Variants in HEXA observed in about 807,000 individuals in gnomAD.
The protein encoded by HEXA is hexosaminidase subunit alpha, also known as beta-hexosaminidase subunit alpha.
Under a neutral mutation model 73.3 loss-of-function variants are expected in HEXA, and 54 were observed. That is an observed-to-expected ratio of 0.74 (90% CI 0.59 to 0.92). HEXA has a LOEUF of 0.92. Among genes scored for constraint, HEXA ranks in the 40% least tolerant of loss-of-function variants. The pLI, the probability that HEXA is intolerant of heterozygous loss-of-function variation, is 0.00. For synonymous variants in HEXA, 230 were observed against 246.9 expected (o/e 0.93, Z 0.64); for missense variants, 649 against 653.0 (o/e 0.99, Z 0.07).
Position 72,346,220 on chromosome 15 carries a change from C to G in HEXA, c.1421+15G>C, listed in dbSNP as rs185764548. On this transcript the variant is annotated intron_variant, in intron 12 of 13. Transcript: ENST00000268097. ...CTCAGGCCCAACCCTCCACCTCCCC[C>G]CCGAAAACCCTTACCAGAGCCTGGG... The G allele has an allele frequency of 4.1e-4, 653 of 1,603,966 alleles. 2 individuals carry two copies. The East Asian group carries it at 7.7e-3, about 19-fold the overall frequency.
intron 12 of HEXA, 179 bp downstream of exon 12, chr15:72,346,056 G>T: frequency 1.6e-6 from 1 of 637,008 alleles, no homozygotes; most frequent in Non-Finnish European, 2.9e-6. Context: ...GATATAGACG[G>T]AAGTCATGTG....
At chr15:72,368,073 T>G (rs1489275649) in intron 1 of HEXA, among the ~76,000 whole-genome samples, 1 of 152,200 alleles carries the variant, frequency 6.6e-6, no homozygotes, top group Non-Finnish European at 1.5e-5. Context: ...CTAGTACTAT[T>G]GACAATTAAA....
At position 72,355,757 on chromosome 15, in the gene HEXA, A is replaced by G. The variant is rs2088769454; in HGVS notation, c.347-133T>C. Reference sequence around the variant, plus strand: ...ACCATATATTTTAAAAAATCTTTCAATGAGGAGATGTCCCCAGAGCAAGAC... The same window carrying G: ...ACCATATATTTTAAAAAATCTTTCAGTGAGGAGATGTCCCCAGAGCAAGAC... On this transcript the variant is annotated intron_variant, in intron 2 of 13. Transcript: ENST00000268097. 39 of 695,506 alleles carry G rather than the reference A, an allele frequency of 5.6e-5. No homozygotes were observed. The South Asian group carries it at 5.8e-4, about 10-fold the overall frequency. The allele number at this position is 695,506 out of a possible 1,614,324, so 43.1% of individuals were successfully genotyped here. A position where few individuals can be genotyped will look rare whatever the true frequency, so the allele number is the denominator to read the frequency against.
intron 1 of HEXA, among the ~76,000 whole-genome samples, chr15:72,367,203 A>G (rs770725710): frequency 1.3e-5 from 2 of 152,130 alleles, no homozygotes; most frequent in African/African-American, 2.4e-5. Flanking sequence ...TCAGCCTCCC[A>G]AAGTGCTGGG....
chr15:72,375,930 C>G lies in HEXA; in HGVS notation c.43G>C (p.Ala15Pro). The change falls in exon 1 of 14, where the codon GCG becomes CCG. Residue 15 changes from alanine (A) to proline (P), a missense_variant. Transcript: ENST00000268097. ...RLWFSLLLAAAFAGRATALWP... is the reference protein window; with the variant it reads ...RLWFSLLLAAPFAGRATALWP... ...AGGGCCGTCGCCCGTCCTGCGAACG[C>G]TGCCGCCAGCAGCAGCGAAAACCAA... is the stretch of plus-strand genomic sequence containing the variant. The G allele has an allele frequency of 6.2e-7, 1 of 1,614,110 alleles. No individual in the cohort carries two copies. The highest frequency in any genetic ancestry group is 8.5e-7 in the Non-Finnish European group (1 of 1,180,042).
At chr15:72,373,944 A>G (rs2089024411) in intron 1 of HEXA, among the ~76,000 whole-genome samples, 1 of 150,950 alleles carries the variant, frequency 6.6e-6, no homozygotes, top group African/African-American at 2.4e-5. Context: ...GGCTGCAGTG[A>G]GCCAAGATCG....
chr15:72,365,147 T>A (rs938436934), intron 1 of HEXA, among the ~76,000 whole-genome samples: 8 of 152,256 alleles, frequency 5.3e-5, no homozygotes, highest in Non-Finnish European at 1.0e-4. Flanking sequence ...TGGAGTGCAA[T>A]GGCGCGATCT....
chr15:72,374,325 A>G (rs946176948), intron 1 of HEXA, among the ~76,000 whole-genome samples: 14 of 152,180 alleles, frequency 9.2e-5, no homozygotes, highest in African/African-American at 3.1e-4. Flanking sequence ...TGAAGGATTC[A>G]GAGGAAAATG....
At chr15:72,366,864 C>T (rs2088924220) in intron 1 of HEXA, among the ~76,000 whole-genome samples, 1 of 152,134 alleles carries the variant, frequency 6.6e-6, no homozygotes, top group South Asian at 2.1e-4. Context: ...TGCTTGATAC[C>T]TCATAGTCAA....
At chr15:72,373,346 G>A (rs2089017588) in intron 1 of HEXA, among the ~76,000 whole-genome samples, 1 of 152,160 alleles carries the variant, frequency 6.6e-6, no homozygotes, top group Non-Finnish European at 1.5e-5. Flanking sequence ...CTTCATCCTT[G>A]TTTCTGCAGA....
Position 72,374,070 on chromosome 15 carries a change from T to C in HEXA, c.253+1650A>G, listed in dbSNP as rs2089026714. Among the ~76,000 whole-genome samples the C allele has an allele frequency of 2.1e-5, 3 of 144,894 alleles. No homozygotes were observed. The Admixed American group carries it at 2.1e-4, about 10-fold the overall frequency. On this transcript the variant is annotated intron_variant, in intron 1 of 13. Transcript: ENST00000268097. ...GTATACAATAGTAGGAAACAACCTA[T>C]AAAGCTTTTGAGAATCTTATAATTC... is the stretch of plus-strand genomic sequence containing the variant.
intron 1 of HEXA, chr15:72,370,836 T>C (rs1183897960): frequency 2.6e-6 from 1 of 391,644 alleles, no homozygotes; most frequent in Admixed American, 4.4e-5. Flanking sequence ...AACTAAAAAC[T>C]GTGCTTCTGC....
chr15:72,347,965 A>G lies in HEXA; in HGVS notation c.1073+83T>C, dbSNP rs2088639568. ...CCCTGCAGGGACCAGACAGTGGCCA[A>G]GCAGGGCCTGACTCGGTATGGAAAG... On this transcript the variant is annotated intron_variant, in intron 9 of 13. Coordinates refer to ENST00000268097, the MANE Select transcript of HEXA (RefSeq NM_000520.6). 2.8e-6 allele frequency: 3 copies of G among 1,069,348 alleles called. No individual in the cohort carries two copies. In the African/African-American group the frequency reaches 4.6e-5, roughly 17 times the overall value. The allele number at this position is 1,069,348 out of a possible 1,614,324, so 66.2% of individuals were successfully genotyped here. A position where few individuals can be genotyped will look rare whatever the true frequency, so the allele number is the denominator to read the frequency against.
In HEXA at chr15:72,353,052, C is replaced by T. The variant is rs1567299267; in HGVS notation, c.570+16G>A. On this transcript the variant is annotated intron_variant, in intron 5 of 13. Coordinates refer to ENST00000268097, the MANE Select transcript of HEXA (RefSeq NM_000520.6). ...TAGAACTCTTAAGTGTGAAGAAGGC[C>T]TTAAGGCCTGGTTACCAGAGTGTCC... 1 of 1,509,628 alleles carries T rather than the reference C, an allele frequency of 6.6e-7. No homozygotes were observed. Among genetic ancestry groups the T allele is most frequent in the East Asian group, 2.3e-5 (1 of 44,374 alleles). The allele number at this position is 1,509,628 out of a possible 1,614,324, so 93.5% of individuals were successfully genotyped here.
chr15:72,356,492 C>G (rs755932658), intron 2 of HEXA, 33 bp downstream of exon 2: 4 of 1,612,028 alleles, frequency 2.5e-6, no homozygotes, highest in Non-Finnish European at 2.5e-6. Flanking sequence ...CAAGTGTTTG[C>G]TCTTCTAAGA....
Position 72,347,745 on chromosome 15 carries a change from C to T in HEXA, c.1087G>A (p.Val363Ile), listed in dbSNP as rs557550173. ...ACATAGCCCTTGCCATAAGAAGAGA[C>T]GATGTCCAGCAGCCTGGAGAGGAGA... ...SFYIQTLLDIVSSYGKGYVVW... is the reference protein window; with the variant it reads ...SFYIQTLLDIISSYGKGYVVW... The change falls in exon 10 of 14, where the codon GTC becomes ATC. Residue 363 changes from valine to isoleucine, a missense_variant. By Grantham distance (29) the Val-to-Ile change is conservative (BLOSUM62 3). Transcript: ENST00000268097. The T allele has an allele frequency of 3.3e-5, 54 of 1,614,132 alleles. No individual in the cohort carries two copies. Among genetic ancestry groups the T allele is most frequent in the East Asian group, 8.9e-5 (4 of 44,880 alleles).
chr15:72,345,886 G>A, intron 12 of HEXA: 1 of 522,986 alleles, frequency 1.9e-6, no homozygotes, highest in Non-Finnish European at 3.5e-6. Flanking sequence ...ACCATACTTG[G>A]TAAGGCTGCA....
At chr15:72,352,888 T>G (rs1360337559) in intron 5 of HEXA, among the ~76,000 whole-genome samples, 180 bp downstream of exon 5, 1 of 152,222 alleles carries the variant, frequency 6.6e-6, no homozygotes, top group Non-Finnish European at 1.5e-5. Flanking sequence ...GGCCTTGAAC[T>G]TCTGACTTCA....
rs1347847185 is a variant in HEXA at position 72,356,637 on chromosome 15, T to C, written c.254-20A>G. ...GTTTCCCTAGGAAGACAGGGTAAGC[T>C]TGGTGCGGCCAACCTGCCATTAGAA... On this transcript the variant is annotated intron_variant, in intron 1 of 13. Coordinates refer to ENST00000268097, the MANE Select transcript of HEXA (RefSeq NM_000520.6). The C allele has an allele frequency of 6.2e-7, 1 of 1,613,712 alleles. No individual in the cohort carries two copies. Among genetic ancestry groups the C allele is most frequent in the Non-Finnish European group, 8.5e-7 (1 of 1,179,938 alleles).
Sources: allele counts gnomAD v4.1 joint callset (sites outside exome capture counted in the v4.1 genomes callset), GRCh38; gene constraint gnomAD v4.1.1; transcripts MANE v1.5; gene names NCBI Gene and HGNC (gene_info 2026-07-23, HGNC 2026-07-21).